ATXN10: variants seen among roughly 807,000 people sequenced by gnomAD.
ATXN10 encodes ataxin-10.
ATXN10 carries 28 observed loss-of-function variants against 52.9 expected under a neutral mutation model. That is an observed-to-expected ratio of 0.53 (90% CI 0.39 to 0.73). The LOEUF is 0.73. Ranked by LOEUF, ATXN10 falls within the 30% of genes least tolerant of loss-of-function variation. The probability of loss-of-function intolerance (pLI) is 0.00; values close to 1 mark genes in which losing one functional copy is unlikely to be tolerated. For synonymous variants in ATXN10, 226 were observed against 221.5 expected, an observed-to-expected ratio of 1.02 and a Z score of -0.18; for missense variants, 565 against 577.0, an observed-to-expected ratio of 0.98 and a Z score of 0.21.
In ATXN10 at chr22:45,786,836, C is replaced by T. The variant is rs1927338152; in HGVS notation, c.1174-20123C>T. Among the ~76,000 whole-genome samples the T allele has an allele frequency of 6.6e-6, 1 of 152,126 alleles. No individual in the cohort carries two copies. Among genetic ancestry groups the T allele is most frequent in the Non-Finnish European group, 1.5e-5 (1 of 68,020 alleles). ...GGTGGTATGAATTGGGAGAACCCTC[C>T]TGGGAGGCATTTTAACAGTATGTCT... On this transcript the variant is annotated intron_variant, in intron 9 of 11. Transcript: ENST00000252934. The surrounding 1 kb of genome is among the most constrained non-coding windows in gnomAD (Gnocchi z 4.1).
rs904882709 is a variant in ATXN10, at chr22:45,678,560, G to A, written c.116+6381G>A. 4 of 152,162 alleles carry A rather than the reference G, an allele frequency of 2.6e-5. No homozygotes were observed. Among genetic ancestry groups the A allele is most frequent in the African/African-American group, 9.7e-5 (4 of 41,448 alleles). The allele number at this position is 152,162 out of a possible 1,614,324, so 9.4% of individuals were successfully genotyped here. A position where few individuals can be genotyped will look rare whatever the true frequency, so the allele number is the denominator to read the frequency against. ...GTTTCATAATAAAATAGCCTTTTATGTATCTTTTTCCCTACTCAGTAGTGC... is the reference window on the plus strand; with the variant it reads ...GTTTCATAATAAAATAGCCTTTTATATATCTTTTTCCCTACTCAGTAGTGC... On this transcript the variant is annotated intron_variant, in intron 1 of 11. Transcript: ENST00000252934. This position sits in a 1 kb window ranked among gnomAD's most constrained non-coding sequence, Gnocchi z 4.1.
At chr22:45,682,329 T>G (rs1218482754) in intron 1 of ATXN10, among the ~76,000 whole-genome samples, 1 of 152,100 alleles carries the variant, frequency 6.6e-6, no homozygotes, top group Admixed American at 6.5e-5. Context: ...CTTTGTTTTT[T>G]TTTTTGAGAC....
chr22:45,727,035 T>C lies in ATXN10; in HGVS notation c.729-2390T>C, dbSNP rs1216322344. On this transcript the variant is annotated intron_variant, in intron 6 of 11. Coordinates refer to ENST00000252934, the MANE Select transcript of ATXN10 (RefSeq NM_013236.4). The surrounding 1 kb of genome is among the most constrained non-coding windows in gnomAD (Gnocchi z 4.6). ...GGTATGATGTTAGATTGTCAACTTG[T>C]GGTCTTTCAGACTTTTCGATGTAGG... 1.3e-5 allele frequency among the ~76,000 whole-genome samples: 2 copies of C among 152,202 alleles called. No homozygotes were observed. Among genetic ancestry groups the C allele is most frequent in the East Asian group, 3.9e-4 (2 of 5,192 alleles).
chr22:45,689,625 A>T, intron 1 of ATXN10, 87 bp from the exon 2 acceptor site: 1 of 1,178,742 alleles, frequency 8.5e-7, no homozygotes, highest in Non-Finnish European at 1.3e-6. Context: ...CCTCCCCACA[A>T]TAGTAGATAA....
rs1039269921 is a variant in ATXN10, at chr22:45,833,264, G to T, written c.1238-9727G>T. Among the ~76,000 whole-genome samples, 1 of 152,168 alleles carries T rather than the reference G, an allele frequency of 6.6e-6. No homozygotes were observed. ...CCACCCTTGACCACCGACTTCCTGG[G>T]AGCTGCTGAAGGCGTCGGGGGAGGT... On this transcript the variant is annotated intron_variant, in intron 10 of 11. Transcript: ENST00000252934. The surrounding 1 kb of genome is among the most constrained non-coding windows in gnomAD (Gnocchi z 4.3).
intron 3 of ATXN10, among the ~76,000 whole-genome samples, chr22:45,694,940 C>CAAAAAAA (rs748780048): frequency 2.3e-4 from 5 of 21,906 alleles, no homozygotes; most frequent in African/African-American, 7.3e-4. Flanking sequence ...GACTCTGTCT[C>CAAAAAAA]AAAAAAAAAA....
chr22:45,709,138 T>C (rs1402772354), intron 5 of ATXN10, among the ~76,000 whole-genome samples: 1 of 152,212 alleles, frequency 6.6e-6, no homozygotes, highest in African/African-American at 2.4e-5. Context: ...ATAAACATAA[T>C]TGTCCATCCT....
At chr22:45,793,690 C>G in intron 9 of ATXN10, 1 of 1,465,582 alleles carries the variant, frequency 6.8e-7, no homozygotes, top group Non-Finnish European at 9.1e-7. Flanking sequence ...AGTCACCAAT[C>G]ACACAGCTCC....
intron 7 of ATXN10, among the ~76,000 whole-genome samples, chr22:45,737,335 T>A (rs1230247040): frequency 6.6e-6 from 1 of 152,220 alleles, no homozygotes; most frequent in Non-Finnish European, 1.5e-5. Flanking sequence ...CCAGGTCTGT[T>A]CTTGAAGGAG....
intron 3 of ATXN10, 51 bp downstream of exon 3, chr22:45,693,129 A>T: frequency 6.8e-7 from 1 of 1,460,318 alleles, no homozygotes; most frequent in Non-Finnish European, 9.6e-7. Flanking sequence ...AAAGGGTTCA[A>T]AACCAGTACT....
At chr22:45,827,268 A>G (rs868649885) in intron 10 of ATXN10, among the ~76,000 whole-genome samples, 1 of 152,222 alleles carries the variant, frequency 6.6e-6, no homozygotes, top group African/African-American at 2.4e-5. Context: ...ATAAGTTATA[A>G]GACATATGGG....
intron 1 of ATXN10, chr22:45,676,751 T>G (rs1922710189): frequency 6.6e-6 from 1 of 152,348 alleles, no homozygotes; most frequent in African/African-American, 2.4e-5. Context: ...AGTGCTGGGA[T>G]TACAGGCATG....
chr22:45,755,130 A>C (rs1926126660), intron 9 of ATXN10, among the ~76,000 whole-genome samples: 1 of 152,210 alleles, frequency 6.6e-6, no homozygotes, highest in Non-Finnish European at 1.5e-5. Context: ...CAACCCTCCA[A>C]ACGCTTGTTC....
chr22:45,698,397 C>T (rs972377325), intron 3 of ATXN10, among the ~76,000 whole-genome samples: 6 of 152,066 alleles, frequency 3.9e-5, no homozygotes, highest in Non-Finnish European at 5.9e-5. Flanking sequence ...ACTTATTGGC[C>T]GTTTGTAAAT....
intron 10 of ATXN10, among the ~76,000 whole-genome samples, chr22:45,817,649 A>G (rs1228812527): frequency 2.0e-5 from 3 of 151,496 alleles, no homozygotes; most frequent in Admixed American, 6.6e-5. Context: ...TTTAAGTTGT[A>G]TAGTAATTCT....
In ATXN10 at chr22:45,732,266, CA is replaced by C. The variant is rs753630769; in HGVS notation, c.894+2678del. Among the ~76,000 whole-genome samples, 3 of 150,918 alleles carry C rather than the reference CA, an allele frequency of 2.0e-5. No individual in the cohort carries two copies. Among genetic ancestry groups the C allele is most frequent in the Non-Finnish European group, 4.4e-5 (3 of 67,804 alleles). The stretch of plus-strand genomic sequence containing the variant: ...CCCAGGAGTTGGAGACCAGCCTGGG[CA>C]ACATAAGGAGACTCCATCTGTACAA... On this transcript the variant is annotated intron_variant, in intron 7 of 11. Transcript: ENST00000252934. This position sits in a 1 kb window ranked among gnomAD's most constrained non-coding sequence, Gnocchi z 4.5.
chr22:45,807,888 G>C (rs1693731566), intron 10 of ATXN10, among the ~76,000 whole-genome samples: 1 of 152,122 alleles, frequency 6.6e-6, no homozygotes, highest in Non-Finnish European at 1.5e-5. Context: ...GCATTGAGGA[G>C]ACTGAGGAGG....
At chr22:45,721,150 G>T (rs1198784602) in intron 6 of ATXN10, among the ~76,000 whole-genome samples, 1 of 152,084 alleles carries the variant, frequency 6.6e-6, no homozygotes, top group Non-Finnish European at 1.5e-5. Context: ...GGAAATTTTG[G>T]ATATAGACTC....
intron 7 of ATXN10, among the ~76,000 whole-genome samples, chr22:45,734,075 C>CT (rs962960661): frequency 2.7e-5 from 4 of 150,894 alleles, no homozygotes; most frequent in Non-Finnish European, 4.4e-5. Context: ...TTTCAGGTTG[C>CT]TTTTTTTTTC....
Sources: allele counts gnomAD v4.1 joint callset (sites outside exome capture counted in the v4.1 genomes callset), GRCh38; gene constraint gnomAD v4.1.1; non-coding constraint Gnocchi (gnomAD v3.1); transcripts MANE v1.5; gene names NCBI Gene and HGNC (gene_info 2026-07-23, HGNC 2026-07-21).